SLC16A7: variants seen among roughly 807,000 people sequenced by gnomAD.
The protein encoded by SLC16A7 is monocarboxylate transporter 2.
In SLC16A7, 33 loss-of-function variants were observed where a neutral mutation model predicts 34.9. The ratio of observed to expected loss-of-function variants is 0.94; its 90% CI spans 0.72 to 1.26. The LOEUF is 1.26. SLC16A7 is among the 50% of genes most tolerant of loss of function. SLC16A7 has a pLI of 0.00. For synonymous variants in SLC16A7, 201 were observed against 206.6 expected, an observed-to-expected ratio of 0.97 and a Z score of 0.23; for missense variants, 573 against 578.1, an observed-to-expected ratio of 0.99 and a Z score of 0.09.
At chr12:59,665,353 AT>A (rs1245504103) in intron 2 of SLC16A7, among the ~76,000 whole-genome samples, 8 of 152,052 alleles carry the variant, frequency 5.3e-5, no homozygotes, top group African/African-American at 1.9e-4. Context: ...CACTAAAATT[AT>A]TTGTATTTCA....
intron 2 of SLC16A7, among the ~76,000 whole-genome samples, chr12:59,701,844 A>G (rs1017790832): frequency 6.6e-6 from 1 of 151,838 alleles, no homozygotes; most frequent in Admixed American, 6.6e-5. Context: ...AGTGAGTGAA[A>G]AATAAATAAT....
chr12:59,726,147 G>A (rs11173123), intron 3 of SLC16A7, among the ~76,000 whole-genome samples: 40,193 of 151,774 alleles, frequency 0.26, 5,353 homozygotes, highest in East Asian at 0.31. Context: ...AGTGATCAGT[G>A]AGTACACATC....
chr12:59,773,956 TACTC>T (rs1320677868), intron 4 of SLC16A7, among the ~76,000 whole-genome samples: 1 of 152,224 alleles, frequency 6.6e-6, no homozygotes, highest in Non-Finnish European at 1.5e-5. Flanking sequence ...CCAAAGGTGA[TACTC>T]AACACTGCCA....
At chr12:59,630,165 T>C (rs1880117305) in intron 1 of SLC16A7, among the ~76,000 whole-genome samples, 3 of 151,856 alleles carry the variant, frequency 2.0e-5, no homozygotes, top group African/African-American at 7.2e-5. Flanking sequence ...TGGCTCTCTG[T>C]TGTGGTCACT....
chr12:59,768,765 G>A (rs902147281), intron 3 of SLC16A7, among the ~76,000 whole-genome samples: 1 of 152,128 alleles, frequency 6.6e-6, no homozygotes, highest in East Asian at 1.9e-4. Flanking sequence ...GGGAGGCTGA[G>A]GTGGTAGTAT....
In SLC16A7 at chr12:59,681,148, A is replaced by T. The variant is rs186538768; in HGVS notation, c.-30-23624A>T. ...CACCTGACCATCCGAATCTTAAAACATCATTGTGTTTAGAGTCTCAAAGTA... is the reference window on the plus strand; with the variant it reads ...CACCTGACCATCCGAATCTTAAAACTTCATTGTGTTTAGAGTCTCAAAGTA... On this transcript the variant is annotated intron_variant, in intron 2 of 5. Transcript: ENST00000547379. 7.2e-5 allele frequency among the ~76,000 whole-genome samples: 11 copies of T among 152,352 alleles called. No individual in the cohort carries two copies. In the East Asian group the frequency reaches 1.2e-3, roughly 16 times the overall value.
At chr12:59,723,054 G>A (rs1875794891) in intron 3 of SLC16A7, among the ~76,000 whole-genome samples, 1 of 151,944 alleles carries the variant, frequency 6.6e-6, no homozygotes, top group South Asian at 2.1e-4. Flanking sequence ...TAAACTTTCA[G>A]TCCCCCACTG....
chr12:59,646,046 A>G (rs1394889693), intron 1 of SLC16A7, among the ~76,000 whole-genome samples: 1 of 152,198 alleles, frequency 6.6e-6, no homozygotes, highest in Non-Finnish European at 1.5e-5. Context: ...AAAAGTAAGT[A>G]GAGCATAAAA....
intron 5 of SLC16A7, among the ~76,000 whole-genome samples, chr12:59,777,451 A>AAAAGT (rs1565720001): frequency 6.6e-6 from 1 of 152,152 alleles, no homozygotes; most frequent in Non-Finnish European, 1.5e-5. Flanking sequence ...CACAGCAGTG[A>AAAAGT]AAAGTAGGGA....
At chr12:59,598,253 CT>C (rs2136951688) in intron 1 of SLC16A7, among the ~76,000 whole-genome samples, 1 of 152,278 alleles carries the variant, frequency 6.6e-6, no homozygotes, top group Admixed American at 6.5e-5. Context: ...TGGGCTTTAC[CT>C]TTTTCTTGTC....
chr12:59,730,893 G>A (rs1184754253), intron 3 of SLC16A7, among the ~76,000 whole-genome samples: 1 of 152,122 alleles, frequency 6.6e-6, no homozygotes, highest in Non-Finnish European at 1.5e-5. Context: ...GTATAGCAGT[G>A]TTTATCCCGA....
chr12:59,770,266 A>G lies in SLC16A7; in HGVS notation c.218-953A>G, dbSNP rs192105497. Among the ~76,000 whole-genome samples the G allele has an allele frequency of 4.9e-3, 745 of 152,108 alleles. 4 individuals carry two copies. The highest frequency in any genetic ancestry group is 0.021 in the South Asian group (101 of 4,822). ...AAACCTTCTTCCCTTTCACTACCGGACTCTTCTAAATTACTTTGGAGTCTG... is the reference window on the plus strand; with the variant it reads ...AAACCTTCTTCCCTTTCACTACCGGGCTCTTCTAAATTACTTTGGAGTCTG... On this transcript the variant is annotated intron_variant, in intron 3 of 5. Coordinates refer to ENST00000547379, the MANE Select transcript of SLC16A7 (RefSeq NM_001270623.2).
chr12:59,710,886 A>G (rs1187524636), intron 3 of SLC16A7, among the ~76,000 whole-genome samples: 1 of 152,200 alleles, frequency 6.6e-6, no homozygotes, highest in East Asian at 1.9e-4. Flanking sequence ...CAGCTCAACT[A>G]GCACCAGTAA....
intron 2 of SLC16A7, among the ~76,000 whole-genome samples, chr12:59,700,487 T>C (rs1872749344): frequency 6.7e-6 from 1 of 149,028 alleles, no homozygotes; most frequent in African/African-American, 2.4e-5. Flanking sequence ...ATATTAATAA[T>C]TGTATTAAAT....
At chr12:59,656,429 T>G (rs866602348) in intron 2 of SLC16A7, among the ~76,000 whole-genome samples, 9 of 151,946 alleles carry the variant, frequency 5.9e-5, no homozygotes, top group Non-Finnish European at 1.3e-4. Flanking sequence ...AGTCCAACCT[T>G]GACAGTTTGT....
At chr12:59,778,218 G>T (rs1592701777) in intron 5 of SLC16A7, among the ~76,000 whole-genome samples, 1 of 152,172 alleles carries the variant, frequency 6.6e-6, no homozygotes, top group Middle Eastern at 3.4e-3. Context: ...AATAATCATT[G>T]TAGAAATAGA....
chr12:59,751,665 T>C (rs1408499322), intron 3 of SLC16A7, among the ~76,000 whole-genome samples: 3 of 152,198 alleles, frequency 2.0e-5, no homozygotes, highest in Non-Finnish European at 2.9e-5. Context: ...AGGCTCCACC[T>C]CTGGGAGCAG....
In SLC16A7 at chr12:59,765,371, C is replaced by T. The variant is rs150461274; in HGVS notation, c.218-5848C>T. 1.6e-3 allele frequency among the ~76,000 whole-genome samples: 237 copies of T among 152,166 alleles called. 4 individuals are homozygous for T. In the East Asian group the frequency reaches 0.018, roughly 12 times the overall value. ...ATTTGTCAATTTTGGCTTTTGTTGC[C>T]GTTGCTTTTGGTGTTTTACACATGA... On this transcript the variant is annotated intron_variant, in intron 3 of 5. Coordinates refer to ENST00000547379, the MANE Select transcript of SLC16A7 (RefSeq NM_001270623.2).
chr12:59,654,266 TTAA>T (rs1186432859), intron 1 of SLC16A7, among the ~76,000 whole-genome samples: 6 of 151,230 alleles, frequency 4.0e-5, no homozygotes, highest in South Asian at 4.1e-4. Context: ...TTATTAATAC[TTAA>T]TAATATTAAC....
Sources: allele counts gnomAD v4.1 joint callset (sites outside exome capture counted in the v4.1 genomes callset), GRCh38; gene constraint gnomAD v4.1.1; transcripts MANE v1.5; gene names NCBI Gene and HGNC (gene_info 2026-07-23, HGNC 2026-07-21).